The following CDH12 variants were observed in gnomAD, a reference collection of about 807,000 sequenced individuals.
The protein encoded by CDH12 is cadherin-12.
CDH12 carries 41 observed loss-of-function variants against 74.1 expected under a neutral mutation model. The ratio of observed to expected loss-of-function variants is 0.55; its 90% CI spans 0.43 to 0.72. CDH12 has a LOEUF of 0.72. CDH12 is among the 30% of genes least tolerant of loss of function. The probability of loss-of-function intolerance (pLI) is 0.00; values close to 1 mark genes in which losing one functional copy is unlikely to be tolerated. For missense variants in CDH12, 945 were observed against 977.2 expected (o/e 0.97, Z 0.44); for synonymous variants, 399 against 355.0 (o/e 1.12, Z -1.39).
At chr5:22,696,563 A>AT (rs906239375) in intron 1 of CDH12, among the ~76,000 whole-genome samples, 4 of 151,938 alleles carry the variant, frequency 2.6e-5, no homozygotes, top group Admixed American at 1.3e-4. Context: ...ACTAATATAT[A>AT]TTTTTTCAAT....
intron 3 of CDH12, among the ~76,000 whole-genome samples, chr5:22,330,680 G>T (rs1739312322): frequency 6.6e-6 from 1 of 150,788 alleles, no homozygotes; most frequent in African/African-American, 2.5e-5. Flanking sequence ...GAACCCTGGA[G>T]GTGGAGGTAG....
chr5:22,467,080 C>G (rs749092091), intron 2 of CDH12, among the ~76,000 whole-genome samples: 1 of 151,976 alleles, frequency 6.6e-6, no homozygotes, highest in Non-Finnish European at 1.5e-5. Flanking sequence ...CCACCGTGCC[C>G]GGCCTGCTCC....
chr5:21,930,935 C>G (rs550902608), intron 6 of CDH12, among the ~76,000 whole-genome samples: 1 of 152,228 alleles, frequency 6.6e-6, no homozygotes, highest in South Asian at 2.1e-4. Context: ...TGAATCACAT[C>G]CCATAACCTA....
At chr5:22,151,255 C>T (rs1266598357) in intron 4 of CDH12, among the ~76,000 whole-genome samples, 3 of 152,072 alleles carry the variant, frequency 2.0e-5, no homozygotes, top group South Asian at 2.1e-4. Context: ...TTTGTGAACA[C>T]TTTATTGCCT....
chr5:22,389,258 G>A (rs761157605), intron 3 of CDH12, among the ~76,000 whole-genome samples: 3 of 152,116 alleles, frequency 2.0e-5, no homozygotes, highest in Non-Finnish European at 4.4e-5. Context: ...ATTTATTATA[G>A]ATTAATATGA....
At chr5:21,823,292 A>G (rs1748473078) in intron 8 of CDH12, among the ~76,000 whole-genome samples, 1 of 152,184 alleles carries the variant, frequency 6.6e-6, no homozygotes, top group African/African-American at 2.4e-5. Flanking sequence ...CAGCTAATAG[A>G]AAACATTCCA....
intron 4 of CDH12, among the ~76,000 whole-genome samples, chr5:22,186,035 C>A (rs1381392690): frequency 6.6e-6 from 1 of 152,176 alleles, no homozygotes; most frequent in African/African-American, 2.4e-5. Flanking sequence ...GTACACCTGA[C>A]AGAATTGCAT....
rs7734572 is a variant in CDH12, at chr5:21,880,501, T to C, written c.527-25711A>G. Among the ~76,000 whole-genome samples, 140 of 25,400 alleles carry C rather than the reference T, an allele frequency of 5.5e-3. 6 individuals are homozygous for C. Among genetic ancestry groups the C allele is most frequent in the Middle Eastern group, 0.026 (1 of 38 alleles). The allele number at this position is 25,400 out of a possible 152,430, so 16.7% of individuals were successfully genotyped here. A position where few individuals can be genotyped will look rare whatever the true frequency, so the allele number is the denominator to read the frequency against. On this transcript the variant is annotated intron_variant, in intron 6 of 14. Coordinates refer to ENST00000382254, the MANE Select transcript of CDH12 (RefSeq NM_004061.5). ...TTCCTTCCTTCCTTCCTTCCTTCCT[T>C]CCTCCCTCCCTCCCTCTTTTCTTTC... is the stretch of plus-strand genomic sequence containing the variant.
At chr5:22,345,823 T>G (rs1232479135) in intron 3 of CDH12, among the ~76,000 whole-genome samples, 1 of 151,994 alleles carries the variant, frequency 6.6e-6, no homozygotes, top group Non-Finnish European at 1.5e-5. Context: ...GGAGAATGGG[T>G]CCGGGCACAG....
At chr5:22,737,572 A>T (rs1744800692) in intron 1 of CDH12, among the ~76,000 whole-genome samples, 1 of 152,052 alleles carries the variant, frequency 6.6e-6, no homozygotes, top group Non-Finnish European at 1.5e-5. Context: ...AGAAATTACT[A>T]ACAAAAAATA....
intron 4 of CDH12, among the ~76,000 whole-genome samples, chr5:22,091,247 A>G (rs1316070726): frequency 6.7e-6 from 1 of 149,198 alleles, no homozygotes; most frequent in Non-Finnish European, 1.5e-5. Flanking sequence ...TAAAGTATAT[A>G]CATATAGTTT....
chr5:22,112,086 C>T (rs1744846042), intron 4 of CDH12, among the ~76,000 whole-genome samples: 1 of 118,530 alleles, frequency 8.4e-6, no homozygotes, highest in Non-Finnish European at 1.8e-5. Flanking sequence ...AATTAAACTG[C>T]TCTGCTATTT....
In CDH12 at chr5:22,774,268, A is replaced by T. The variant is rs187291972; in HGVS notation, c.-523+78790T>A. On this transcript the variant is annotated intron_variant, in intron 1 of 14. Transcript: ENST00000382254. ...AGTTTCAATAAAGAAAATGTGATAC[A>T]TATAAACCATGGAATACTATGCAGC... Among the ~76,000 whole-genome samples, 43 of 152,316 alleles carry T rather than the reference A, an allele frequency of 2.8e-4. 1 individual carries two copies. The highest frequency in any genetic ancestry group is 9.1e-4 in the African/African-American group (38 of 41,576).
chr5:21,806,053 A>C (rs770724791), intron 9 of CDH12, among the ~76,000 whole-genome samples: 10 of 152,192 alleles, frequency 6.6e-5, no homozygotes, highest in Admixed American at 5.2e-4. Context: ...TTGTGCAGTA[A>C]GAACCACAAC....
chr5:22,490,096 T>C (rs1018535419), intron 2 of CDH12, among the ~76,000 whole-genome samples: 14 of 152,156 alleles, frequency 9.2e-5, no homozygotes, highest in South Asian at 6.2e-4. Flanking sequence ...ATTTAAGTAA[T>C]ACAATCTTAA....
intron 10 of CDH12, among the ~76,000 whole-genome samples, 184 bp from the exon 11 acceptor site, chr5:21,783,678 T>C (rs1746042840): frequency 6.6e-6 from 1 of 152,064 alleles, no homozygotes; most frequent in South Asian, 2.1e-4. Flanking sequence ...AAACTGGAAA[T>C]AATAAAAGAT....
At chr5:22,324,433 A>T (rs1352659736) in intron 3 of CDH12, among the ~76,000 whole-genome samples, 4 of 151,976 alleles carry the variant, frequency 2.6e-5, no homozygotes, top group Non-Finnish European at 5.9e-5. Flanking sequence ...GACCGTGTTA[A>T]CCCTCTTAAG....
intron 4 of CDH12, among the ~76,000 whole-genome samples, chr5:22,116,100 A>G (rs554081229): frequency 6.6e-6 from 1 of 152,336 alleles, no homozygotes; most frequent in Non-Finnish European, 1.5e-5. Context: ...ACTTTAAAAA[A>G]GGGAGAGCAC....
chr5:22,118,303 A>C (rs1745288893), intron 4 of CDH12, among the ~76,000 whole-genome samples: 1 of 152,084 alleles, frequency 6.6e-6, no homozygotes, highest in African/African-American at 2.4e-5. Flanking sequence ...TCATTTTTCT[A>C]TTCCCTCTCC....
Sources: allele counts gnomAD v4.1 joint callset (sites outside exome capture counted in the v4.1 genomes callset), GRCh38; gene constraint gnomAD v4.1.1; transcripts MANE v1.5; gene names NCBI Gene and HGNC (gene_info 2026-07-23, HGNC 2026-07-21).